Variants in FBN1 observed in about 807,000 individuals in gnomAD.
FBN1 encodes fibrillin 1.
Under a neutral mutation model 365.1 loss-of-function variants are expected in FBN1, and 29 were observed. The ratio of observed to expected loss-of-function variants is 0.08; its 90% CI spans 0.06 to 0.11. FBN1 has a LOEUF of 0.11. Ranked by LOEUF, FBN1 falls within the 10% of genes least tolerant of loss-of-function variation. FBN1 has a pLI of 1.00. For synonymous variants in FBN1, 1,210 were observed against 1,270.5 expected, an observed-to-expected ratio of 0.95 and a Z score of 1.01; for missense variants, 2,476 against 3,703.2, an observed-to-expected ratio of 0.67 and a Z score of 8.60.
At chr15:48,540,779 CAA>C (rs1393936752) in intron 6 of FBN1, among the ~76,000 whole-genome samples, 1 of 152,130 alleles carries the variant, frequency 6.6e-6, no homozygotes, top group Non-Finnish European at 1.5e-5. Flanking sequence ...TTTACTGAGA[CAA>C]GTGCAAATGC....
At position 48,452,572 on chromosome 15, in the gene FBN1, T is replaced by C; in HGVS notation, c.5535A>G (p.Gly1845=). ...CKPGYRFTST[G]QCNDRNECQE... ...TGGGGCACTACATACCATTGCACTG[T>C]CCTGTGGAGGTGAAGCGGTAGCCGG... Residue 1845 remains glycine, a synonymous_variant, in exon 45 of 66, where the codon GGA becomes GGG. Transcript: ENST00000316623. 6.2e-7 allele frequency: 1 copy of C among 1,614,164 alleles called. No homozygotes were observed.
At chr15:48,473,500 T>C (rs1232234271) in intron 34 of FBN1, among the ~76,000 whole-genome samples, 2 of 152,240 alleles carry the variant, frequency 1.3e-5, no homozygotes, top group African/African-American at 4.8e-5. Flanking sequence ...AGTCTAATCA[T>C]GTATGTTTAC....
intron 24 of FBN1, among the ~76,000 whole-genome samples, chr15:48,490,694 C>T (rs947112946): frequency 2.0e-5 from 3 of 152,202 alleles, no homozygotes; most frequent in Non-Finnish European, 4.4e-5. Flanking sequence ...CCTCTAGCCC[C>T]AAACCCAAAT....
chr15:48,549,063 C>T (rs1487029349), intron 6 of FBN1, among the ~76,000 whole-genome samples: 2 of 152,214 alleles, frequency 1.3e-5, no homozygotes, highest in Non-Finnish European at 2.9e-5. Context: ...TATGCTCATG[C>T]AAATGCTTTC....
At chr15:48,634,857 C>CACA (rs1491343326) in intron 2 of FBN1, among the ~76,000 whole-genome samples, 32 of 69,164 alleles carry the variant, frequency 4.6e-4, no homozygotes, top group African/African-American at 1.7e-3. Context: ...AAAAAAAAAA[C>CACA]CACACACACA....
chr15:48,445,212 A>G (rs1275138298), intron 48 of FBN1, among the ~76,000 whole-genome samples, 164 bp downstream of exon 48: 2 of 145,576 alleles, frequency 1.4e-5, no homozygotes, highest in Non-Finnish European at 3.0e-5. Flanking sequence ...ATATATGTGT[A>G]TATATACTTA....
In FBN1 at chr15:48,519,866, T is replaced by C. The variant is rs62011401; in HGVS notation, c.1147+793A>G. Among the ~76,000 whole-genome samples the C allele has an allele frequency of 6.3e-3, 953 of 152,348 alleles. 8 individuals are homozygous for C. The highest frequency in any genetic ancestry group is 0.011 in the Non-Finnish European group (739 of 68,040). On this transcript the variant is annotated intron_variant, in intron 10 of 65. Coordinates refer to ENST00000316623, the MANE Select transcript of FBN1 (RefSeq NM_000138.5). ...TGTTCTTTGCAAGAAATGGAGTGAA[T>C]TGGCCACTAAATATTGCCTGAGTTC... is the stretch of plus-strand genomic sequence containing the variant.
At chr15:48,624,187 A>T (rs1275400949) in intron 2 of FBN1, among the ~76,000 whole-genome samples, 1 of 152,224 alleles carries the variant, frequency 6.6e-6, no homozygotes, top group Non-Finnish European at 1.5e-5. Context: ...TAGACAATTG[A>T]ACCATGAAGA....
At chr15:48,423,118 C>T (rs1469882479) in intron 60 of FBN1, among the ~76,000 whole-genome samples, 2 of 152,158 alleles carry the variant, frequency 1.3e-5, no homozygotes, top group Non-Finnish European at 2.9e-5. Flanking sequence ...TTTCAAAATA[C>T]CAAGAGATGA....
intron 18 of FBN1, 94 bp from the exon 19 acceptor site, chr15:48,497,485 T>A (rs1160969030): frequency 8.0e-7 from 1 of 1,253,658 alleles, no homozygotes; most frequent in Non-Finnish European, 1.1e-6. Context: ...TGTAATGACC[T>A]TAGGAGCTAC....
At chr15:48,644,290 ACGGGCTT>A in intron 2 of FBN1, 1 of 381,128 alleles carries the variant, frequency 2.6e-6, no homozygotes, top group Admixed American at 3.7e-5. Context: ...AGGGAAAGGA[ACGGGCTT>A]CTCCTCTTAT....
chr15:48,491,954 G>T lies in FBN1; in HGVS notation c.2854+507C>A, dbSNP rs111356528. Among the ~76,000 whole-genome samples, 763 of 152,230 alleles carry T rather than the reference G, an allele frequency of 5.0e-3. 5 individuals are homozygous for T. Among genetic ancestry groups the T allele is most frequent in the Non-Finnish European group, 8.4e-3 (569 of 68,016 alleles). On this transcript the variant is annotated intron_variant, in intron 24 of 65. Coordinates refer to ENST00000316623, the MANE Select transcript of FBN1 (RefSeq NM_000138.5). ...CAATTTGGCTAGAGGATCCCATTTG[G>T]GCTCTAGCAGTTGGCACAGAATATC... is the stretch of plus-strand genomic sequence containing the variant.
Position 48,483,907 on chromosome 15 carries a change from T to A in FBN1, c.3749A>T (p.Asp1250Val). 1 of 1,613,454 alleles carries A rather than the reference T, an allele frequency of 6.2e-7. No individual in the cohort carries two copies. Among genetic ancestry groups the A allele is most frequent in the Non-Finnish European group, 8.5e-7 (1 of 1,179,852 alleles). The change falls in exon 31 of 66, where the codon GAT becomes GTT. Residue 1250 changes from aspartate to valine, a missense_variant. Around this residue, in one of 5 missense-constraint regions of FBN1, gnomAD observed 1,780 missense variants for 2,840.8 expected, o/e 0.63. Transcript: ENST00000316623. ...AGGGATATTTGTGCACTGACCACCA[T>A]CACAGATATTGGGATTATCTTCACA... The part of the protein sequence containing the change: ...DECEDNPNIC[D>V]GGQCTNIPGE...
Position 48,455,459 on chromosome 15 carries a change from C to T in FBN1, c.5422+1178G>A, listed in dbSNP as rs145604674. Among the ~76,000 whole-genome samples, 758 of 152,304 alleles carry T rather than the reference C, an allele frequency of 5.0e-3. 5 individuals are homozygous for T. Among genetic ancestry groups the T allele is most frequent in the African/African-American group, 0.017 (727 of 41,564 alleles). On this transcript the variant is annotated intron_variant, in intron 44 of 65. Coordinates refer to ENST00000316623, the MANE Select transcript of FBN1 (RefSeq NM_000138.5). ...GGGAAGGGTGGGGAGGAAAATGCCA[C>T]AGGCAGGTGGCAGGCATGCTGAGCA...
chr15:48,456,839 C>CGTGAGTGTGTGTGTGT, intron 43 of FBN1, 77 bp from the exon 44 acceptor site: 4 of 999,582 alleles, frequency 4.0e-6, no homozygotes, highest in African/African-American at 7.0e-5. Flanking sequence ...ATGGAAAGTG[C>CGTGAGTGTGTGTGTGT]GTGCGTGTGT....
intron 2 of FBN1, among the ~76,000 whole-genome samples, chr15:48,638,674 G>A (rs16961286): frequency 6.7e-6 from 1 of 148,328 alleles, no homozygotes; most frequent in African/African-American, 2.5e-5. Context: ...ATTGGGCTGA[G>A]TTTACAGGCA....
chr15:48,524,493 G>C (rs1348524328), intron 9 of FBN1, among the ~76,000 whole-genome samples: 1 of 152,136 alleles, frequency 6.6e-6, no homozygotes, highest in Non-Finnish European at 1.5e-5. Flanking sequence ...TTACCATGGA[G>C]GGAAATAGGA....
intron 63 of FBN1, among the ~76,000 whole-genome samples, chr15:48,418,932 CTCTA>C (rs571979947): frequency 9.9e-5 from 15 of 152,248 alleles, no homozygotes; most frequent in Admixed American, 2.6e-4. Flanking sequence ...AATGGGTCAA[CTCTA>C]TCTATCTGCA....
intron 32 of FBN1, among the ~76,000 whole-genome samples, chr15:48,477,093 T>C (rs112535028): frequency 1.3e-5 from 2 of 152,294 alleles, no homozygotes; most frequent in African/African-American, 4.8e-5. Context: ...AATTCTGTAA[T>C]CTTTTTCTTT....
Sources: allele counts gnomAD v4.1 joint callset (sites outside exome capture counted in the v4.1 genomes callset), GRCh38; gene constraint gnomAD v4.1.1; regional missense constraint gnomAD v4.1.1; transcripts MANE v1.5; gene names NCBI Gene and HGNC (gene_info 2026-07-23, HGNC 2026-07-21).